Variants in ADAMTS17 observed in about 807,000 individuals in gnomAD.
ADAMTS17 encodes A disintegrin and metalloproteinase with thrombospondin motifs 17.
ADAMTS17 carries 113 observed loss-of-function variants against 141.5 expected under a neutral mutation model. The ratio of observed to expected loss-of-function variants is 0.80; its 90% CI spans 0.69 to 0.93. The LOEUF (loss-of-function observed/expected upper bound fraction) is 0.93, where lower values mean the gene tolerates loss of function less well. ADAMTS17 is among the 40% of genes least tolerant of loss of function. ADAMTS17 has a pLI of 0.00. For missense variants in ADAMTS17, 1,659 were observed against 1,517.9 expected (o/e 1.09, Z -1.54); for synonymous variants, 768 against 630.6 (o/e 1.22, Z -3.27).
intron 3 of ADAMTS17, among the ~76,000 whole-genome samples, chr15:100,311,925 A>G (rs1489107879): frequency 6.6e-6 from 1 of 152,206 alleles, no homozygotes; most frequent in Non-Finnish European, 1.5e-5. Flanking sequence ...AGACGGATCA[A>G]GAATGCATGG....
chr15:100,134,404 G>A (rs1314719624), intron 10 of ADAMTS17, among the ~76,000 whole-genome samples: 3 of 152,152 alleles, frequency 2.0e-5, no homozygotes, highest in Non-Finnish European at 2.9e-5. Flanking sequence ...TTGTGAAGAC[G>A]CAGTGATTCC....
rs187757973 is a variant in ADAMTS17, at chr15:100,117,287, C to G, written c.1722-274G>C. 1.2e-4 allele frequency among the ~76,000 whole-genome samples: 19 copies of G among 152,318 alleles called. No homozygotes were observed. The East Asian group carries it at 3.7e-3, about 29-fold the overall frequency. Reference sequence around the variant, plus strand: ...GAGTATGAGTTTGGCAAGATCCACACATTGCGTCCTTCATCTGAACTTAAA... The same window carrying G: ...GAGTATGAGTTTGGCAAGATCCACAGATTGCGTCCTTCATCTGAACTTAAA... On this transcript the variant is annotated intron_variant, in intron 12 of 21. Coordinates refer to ENST00000268070, the MANE Select transcript of ADAMTS17 (RefSeq NM_139057.4).
intron 7 of ADAMTS17, among the ~76,000 whole-genome samples, chr15:100,253,688 G>T (rs143102382): frequency 5.3e-5 from 8 of 152,284 alleles, no homozygotes; most frequent in African/African-American, 1.9e-4. Context: ...GAGATTGCAT[G>T]TCTTATAATC....
At chr15:100,245,698 A>C (rs2042965348) in intron 7 of ADAMTS17, among the ~76,000 whole-genome samples, 8 of 152,200 alleles carry the variant, frequency 5.3e-5, no homozygotes, top group Admixed American at 5.2e-4. Context: ...AACCTCCTGC[A>C]GTGGGATCTT....
intron 15 of ADAMTS17, among the ~76,000 whole-genome samples, chr15:100,090,143 GA>G (rs1171876260): frequency 6.6e-6 from 1 of 152,088 alleles, no homozygotes; most frequent in Non-Finnish European, 1.5e-5. Context: ...ATCTCTCTTA[GA>G]GAAATCCATT....
chr15:100,208,766 A>AT (rs5814954), intron 7 of ADAMTS17, among the ~76,000 whole-genome samples: 149,696 of 152,304 alleles, frequency 0.98, 73,634 homozygotes, highest in East Asian at 1. Context: ...GAAGGAGAAG[A>AT]GGCCTTGGTT....
At chr15:100,208,420 C>A (rs959404692) in intron 7 of ADAMTS17, among the ~76,000 whole-genome samples, 1 of 152,178 alleles carries the variant, frequency 6.6e-6, no homozygotes, top group African/African-American at 2.4e-5. Context: ...GGGGCTGTGG[C>A]TGGGACGGGG....
At chr15:100,220,765 G>A (rs750337555) in intron 7 of ADAMTS17, among the ~76,000 whole-genome samples, 37 of 152,162 alleles carry the variant, frequency 2.4e-4, no homozygotes, top group Non-Finnish European at 4.7e-4. Context: ...GGAATCACAC[G>A]ATATGCGGCC....
chr15:100,186,265 G>T (rs77631982), intron 8 of ADAMTS17, among the ~76,000 whole-genome samples: 2 of 152,118 alleles, frequency 1.3e-5, no homozygotes, highest in East Asian at 1.9e-4. Flanking sequence ...AAGCTGTAAG[G>T]CACATGGCGA....
chr15:99,975,126 TGGTGAGTTTCCAGCCTCA>T, intron 21 of ADAMTS17, among the ~76,000 whole-genome samples: 1 of 152,236 alleles, frequency 6.6e-6, no homozygotes, highest in South Asian at 2.1e-4. Flanking sequence ...CCCTTCATTT[TGGTGAGTTTCCAGCCTCA>T]GGTAGGAAAA....
At position 100,258,476 on chromosome 15, in the gene ADAMTS17, A is replaced by C. The variant is rs2043402820; in HGVS notation, c.1031+3003T>G. The stretch of plus-strand genomic sequence containing the variant: ...TTTACAGAAGAAAGAGGTTTAATGC[A>C]CTTATAGTTCCACATGGCTGGGGAG... On this transcript the variant is annotated intron_variant, in intron 6 of 21. Transcript: ENST00000268070. 2.0e-5 allele frequency among the ~76,000 whole-genome samples: 3 copies of C among 152,236 alleles called. No individual in the cohort carries two copies. In the South Asian group the frequency reaches 6.2e-4, roughly 31 times the overall value.
At chr15:100,233,768 G>C (rs1384555873) in intron 7 of ADAMTS17, among the ~76,000 whole-genome samples, 1 of 152,064 alleles carries the variant, frequency 6.6e-6, no homozygotes, top group Non-Finnish European at 1.5e-5. Flanking sequence ...GATGTCAGGG[G>C]GAGAGTGTGC....
chr15:100,131,372 A>AT (rs1305707828), intron 12 of ADAMTS17, among the ~76,000 whole-genome samples: 2 of 147,888 alleles, frequency 1.4e-5, no homozygotes, highest in African/African-American at 5.0e-5. Context: ...GTATGAAAAA[A>AT]AAAAAAAAAA....
At chr15:100,094,101 T>C (rs2035623696) in intron 15 of ADAMTS17, among the ~76,000 whole-genome samples, 1 of 136,124 alleles carries the variant, frequency 7.3e-6, no homozygotes, top group Admixed American at 7.6e-5. Flanking sequence ...AACAAAAAAC[T>C]GCTGTGTACC....
At chr15:100,090,738 T>C (rs1161127365) in intron 15 of ADAMTS17, among the ~76,000 whole-genome samples, 2 of 152,144 alleles carry the variant, frequency 1.3e-5, no homozygotes, top group East Asian at 3.9e-4. Flanking sequence ...CTGGGCGCAG[T>C]GGCTCACGCC....
chr15:100,081,766 T>C (rs1346956490), intron 15 of ADAMTS17, among the ~76,000 whole-genome samples: 1 of 152,222 alleles, frequency 6.6e-6, no homozygotes, highest in East Asian at 1.9e-4. Flanking sequence ...TGCTAATCCA[T>C]TTGGTGAAAA....
chr15:99,990,193 G>A (rs1435872389), intron 20 of ADAMTS17, among the ~76,000 whole-genome samples: 1 of 152,072 alleles, frequency 6.6e-6, no homozygotes, highest in Admixed American at 6.6e-5. Context: ...GTGCCACCAC[G>A]CCCAGCTATT....
chr15:100,090,279 CCACT>C (rs1336472857), intron 15 of ADAMTS17, among the ~76,000 whole-genome samples: 2 of 152,162 alleles, frequency 1.3e-5, no homozygotes, highest in Non-Finnish European at 1.5e-5. Context: ...AGAGGAATCT[CCACT>C]CAAACTACCA....
intron 14 of ADAMTS17, among the ~76,000 whole-genome samples, chr15:100,102,345 ATCTACATTTGAGGGCCAACCGAAGGG>A (rs2036154684): frequency 7.8e-6 from 1 of 128,976 alleles, no homozygotes; most frequent in African/African-American, 3.3e-5. Flanking sequence ...ACCGAAGGGG[ATCTACATTTGAGGGCCAACCGAAGGG>A]GATCTACATT....
Sources: allele counts gnomAD v4.1 joint callset (sites outside exome capture counted in the v4.1 genomes callset), GRCh38; gene constraint gnomAD v4.1.1; transcripts MANE v1.5; gene names NCBI Gene and HGNC (gene_info 2026-07-23, HGNC 2026-07-21).